The following PCSK6 variants were observed in gnomAD, a reference collection of about 807,000 sequenced individuals.
The protein encoded by PCSK6 is proprotein convertase subtilisin/kexin type 6.
PCSK6 carries 85 observed loss-of-function variants against 123.3 expected under a neutral mutation model. The ratio of observed to expected loss-of-function variants is 0.69; its 90% confidence interval spans 0.58 to 0.83. The LOEUF (loss-of-function observed/expected upper bound fraction) is 0.83, where lower values mean the gene tolerates loss of function less well. Ranked by LOEUF, PCSK6 falls within the 40% of genes least tolerant of loss-of-function variation. The pLI, the probability that PCSK6 is intolerant of heterozygous loss-of-function variation, is 0.00. For missense variants in PCSK6, 1,191 were observed against 1,282.3 expected (o/e 0.93, Z 1.09); for synonymous variants, 508 against 516.0 (o/e 0.98, Z 0.21).
chr15:101,350,747 C>T (rs1295917233), intron 13 of PCSK6, among the ~76,000 whole-genome samples: 1 of 152,142 alleles, frequency 6.6e-6, no homozygotes, highest in African/African-American at 2.4e-5. Context: ...GGGAGCAGTG[C>T]ACGTTGAGCC....
chr15:101,397,715 G>T (rs2042454664), intron 7 of PCSK6, among the ~76,000 whole-genome samples: 1 of 152,216 alleles, frequency 6.6e-6, no homozygotes, highest in Non-Finnish European at 1.5e-5. Context: ...CTGTTTGTAA[G>T]AACTGGCTCA....
chr15:101,435,618 C>T (rs1417327321), intron 2 of PCSK6, among the ~76,000 whole-genome samples: 2 of 152,232 alleles, frequency 1.3e-5, no homozygotes, highest in Non-Finnish European at 2.9e-5. Flanking sequence ...AGATAAGCTA[C>T]GCTCTGGGGC....
intron 10 of PCSK6, 124 bp downstream of exon 10, chr15:101,384,198 C>A (rs2041991610): frequency 2.0e-6 from 3 of 1,483,856 alleles, no homozygotes; most frequent in Non-Finnish European, 2.7e-6. Context: ...GTTTTAAATT[C>A]TTGTGACACA....
intron 6 of PCSK6, among the ~76,000 whole-genome samples, chr15:101,406,230 ACG>A (rs1421086883): frequency 2.9e-5 from 4 of 138,244 alleles, no homozygotes; most frequent in East Asian, 2.2e-4. Flanking sequence ...ACACACACAC[ACG>A]CACACATGCA....
intron 11 of PCSK6, among the ~76,000 whole-genome samples, chr15:101,380,772 T>C (rs1299294501): frequency 1.3e-5 from 2 of 152,234 alleles, no homozygotes; most frequent in Non-Finnish European, 2.9e-5. Context: ...AAGAGTGTAT[T>C]ACAAGAGTAG....
At chr15:101,339,705 G>A (rs1442807039) in intron 13 of PCSK6, among the ~76,000 whole-genome samples, 1 of 152,042 alleles carries the variant, frequency 6.6e-6, no homozygotes, top group Non-Finnish European at 1.5e-5. Context: ...CCAGGAGTTC[G>A]AGACCAGCCT....
chr15:101,326,466 C>T lies in PCSK6; in HGVS notation c.2091G>A (p.Pro697=), dbSNP rs772968539. ...CATCACAGCCTTTGTCACCACACTC[C>T]GGATGGCACACACCTTAAAGAAACA... is the stretch of plus-strand genomic sequence containing the variant. ...ANILQTSVCH[P]ECGDKGCDGP... Residue 697 remains proline, a synonymous_variant, in exon 16 of 22, where the codon CCG becomes CCA. Coordinates refer to ENST00000611716, the MANE Select transcript of PCSK6 (RefSeq NM_002570.5). The T allele has an allele frequency of 1.5e-5, 23 of 1,580,206 alleles. No individual in the cohort carries two copies. The highest frequency in any genetic ancestry group is 6.7e-5 in the African/African-American group (5 of 74,076).
intron 13 of PCSK6, among the ~76,000 whole-genome samples, chr15:101,351,304 T>C (rs967785519): frequency 2.6e-5 from 4 of 152,256 alleles, no homozygotes; most frequent in Admixed American, 2.0e-4. Flanking sequence ...AAATGTTTCA[T>C]GTCTGTAGGT....
At chr15:101,324,396 G>T (rs2040200523) in intron 17 of PCSK6, among the ~76,000 whole-genome samples, 1 of 152,190 alleles carries the variant, frequency 6.6e-6, no homozygotes, top group Non-Finnish European at 1.5e-5. Context: ...CATGTACCCT[G>T]ACCCACGCCC....
chr15:101,314,385 G>A (rs1023905796), intron 19 of PCSK6, among the ~76,000 whole-genome samples: 1 of 152,172 alleles, frequency 6.6e-6, no homozygotes, highest in Non-Finnish European at 1.5e-5. Context: ...AGTAGTCACT[G>A]ACTGACAGCG....
chr15:101,487,384 G>A (rs956310808), intron 1 of PCSK6, among the ~76,000 whole-genome samples: 6 of 152,236 alleles, frequency 3.9e-5, no homozygotes, highest in East Asian at 1.9e-4. Context: ...TCCTGGGTAC[G>A]GAGTGTGCAT....
rs137973914 is a variant in PCSK6, at chr15:101,317,986, C to T, written c.2569+333G>A. On this transcript the variant is annotated intron_variant, in intron 19 of 21. Coordinates refer to ENST00000611716, the MANE Select transcript of PCSK6 (RefSeq NM_002570.5). ...GTGCTGGGGTTATAGGCATGAGCCA[C>T]TGCAATGTACATAAAATCTACCATC... Among the ~76,000 whole-genome samples, 6 of 152,318 alleles carry T rather than the reference C, an allele frequency of 3.9e-5. No individual in the cohort carries two copies. The East Asian group carries it at 1.2e-3, about 29-fold the overall frequency.
At chr15:101,429,180 C>G (rs1201143814) in intron 5 of PCSK6, among the ~76,000 whole-genome samples, 1 of 152,156 alleles carries the variant, frequency 6.6e-6, no homozygotes, top group Non-Finnish European at 1.5e-5. Flanking sequence ...TTATTTCCCT[C>G]TAAATATTTT....
rs542667256 is a variant in PCSK6, at chr15:101,435,782, G to A, written c.403-3682C>T. 1.5e-4 allele frequency among the ~76,000 whole-genome samples: 23 copies of A among 152,286 alleles called. 1 individual carries two copies. Among genetic ancestry groups the A allele is most frequent in the Middle Eastern group, 3.4e-3 (1 of 294 alleles). On this transcript the variant is annotated intron_variant, in intron 2 of 21. Transcript: ENST00000611716. ...GACTGTCCCTCTGTTGATAAGACGA[G>A]GTAAAATCTAAGGATGTTCCTAAAG...
chr15:101,457,060 C>T (rs2141192263), intron 1 of PCSK6, among the ~76,000 whole-genome samples: 1 of 152,284 alleles, frequency 6.6e-6, no homozygotes, highest in Non-Finnish European at 1.5e-5. Flanking sequence ...GTAATCCCAG[C>T]TACTTGGGAG....
At chr15:101,341,272 A>G (rs2040602218) in intron 13 of PCSK6, among the ~76,000 whole-genome samples, 2 of 121,366 alleles carry the variant, frequency 1.6e-5, no homozygotes, top group Admixed American at 8.5e-5. Context: ...TTTTCTTGAC[A>G]AAGTCTTGCT....
chr15:101,348,578 G>T (rs1400220850), intron 13 of PCSK6, among the ~76,000 whole-genome samples: 1 of 152,166 alleles, frequency 6.6e-6, no homozygotes, highest in Non-Finnish European at 1.5e-5. Context: ...TCAATATCAA[G>T]AAACACTTCT....
At chr15:101,464,374 C>T (rs2057408098) in intron 1 of PCSK6, among the ~76,000 whole-genome samples, 2 of 151,984 alleles carry the variant, frequency 1.3e-5, no homozygotes, top group Admixed American at 1.3e-4. Context: ...AAGGTGGTTC[C>T]CTCACAATTT....
intron 7 of PCSK6, among the ~76,000 whole-genome samples, chr15:101,394,370 C>G (rs1295375333): frequency 1.3e-5 from 2 of 152,254 alleles, no homozygotes; most frequent in Middle Eastern, 3.4e-3. Context: ...CCGCTCTATC[C>G]CATACCCACA....
Sources: allele counts gnomAD v4.1 joint callset (sites outside exome capture counted in the v4.1 genomes callset), GRCh38; gene constraint gnomAD v4.1.1; transcripts MANE v1.5; gene names NCBI Gene and HGNC (gene_info 2026-07-23, HGNC 2026-07-21).